The following CBARP variants were observed in gnomAD, a reference collection of about 807,000 sequenced individuals.
CBARP encodes CACN subunit beta associated regulatory protein, also known as voltage-dependent calcium channel beta subunit-associated regulatory protein.
A neutral mutation model predicts 36.3 loss-of-function variants in CBARP; 24 were observed. The observed-to-expected ratio is 0.66, with a 90% CI of 0.48 to 0.93. CBARP has a LOEUF of 0.93. CBARP is among the 40% of genes least tolerant of loss of function. The probability of loss-of-function intolerance (pLI) is 0.00; values close to 1 mark genes in which losing one functional copy is unlikely to be tolerated. For synonymous variants in CBARP, 586 were observed against 453.2 expected, an observed-to-expected ratio of 1.29 and a Z score of -3.72; for missense variants, 1,146 against 980.4, an observed-to-expected ratio of 1.17 and a Z score of -2.26.
intron 9 of CBARP, chr19:1,230,444 T>C (rs2080875163): frequency 1.0e-6 from 1 of 992,284 alleles, no homozygotes; most frequent in Admixed American, 6.1e-5. Flanking sequence ...GAGTCACGTT[T>C]TCCCAGCCTC....
rs149047560 is a variant in CBARP, at chr19:1,234,192, G to A, written c.767C>T (p.Ser256Leu). 16 of 1,517,680 alleles carry A rather than the reference G, an allele frequency of 1.1e-5. No individual in the cohort carries two copies. The East Asian group carries it at 1.2e-4, about 11-fold the overall frequency. 94.0% of individuals were successfully genotyped at this position (1,517,680 alleles called of 1,614,324 possible). Reference sequence around the variant, plus strand: ...TGGGGGACACGCAGGGGCCCTCACCGAGGTGCCTTCCCCAGAGTCGCTAGA... The same window carrying A: ...TGGGGGACACGCAGGGGCCCTCACCAAGGTGCCTTCCCCAGAGTCGCTAGA... ...SASSDSGEGT[S>L]LDAGTRSTKA... Residue 256 changes from serine to leucine, a missense_variant and splice_region_variant, in exon 7 of 10, where the codon TCG (serine) becomes TTG (leucine). Ser to Leu is a moderately radical substitution (Grantham distance 145, BLOSUM62 -2). Coordinates refer to ENST00000650044, the MANE Select transcript of CBARP (RefSeq NM_001393918.1).
chr19:1,230,208 C>T (rs1223299821), intron 9 of CBARP, 66 bp from the exon 10 acceptor site: 1 of 994,762 alleles, frequency 1.0e-6, no homozygotes, highest in South Asian at 4.3e-5. Flanking sequence ...CCGGCCATCC[C>T]GCCTCTGGAT....
rs753818125 is a variant in CBARP at position 1,229,141 on chromosome 19, G to A, written c.*38C>T. 2.2e-4 allele frequency: 207 copies of A among 926,378 alleles called. No homozygotes were observed. The highest frequency in any genetic ancestry group is 2.6e-4 in the Non-Finnish European group (201 of 758,550). The allele number at this position is 926,378 out of a possible 1,614,324, so 57.4% of individuals were successfully genotyped here. ...CGCCGCCGAGGCCCCGTGCGGCGCCGGAGAAGCTGCCAGAGAGATGGGCCC... is the reference window on the plus strand; with the variant it reads ...CGCCGCCGAGGCCCCGTGCGGCGCCAGAGAAGCTGCCAGAGAGATGGGCCC... On this transcript the variant is annotated 3_prime_UTR_variant, in exon 10 of 10. Coordinates refer to ENST00000650044, the MANE Select transcript of CBARP (RefSeq NM_001393918.1). This position sits in a 1 kb window ranked among gnomAD's most constrained non-coding sequence, Gnocchi z 5.1.
chr19:1,230,468 G>A, intron 9 of CBARP: 2 of 997,972 alleles, frequency 2.0e-6, no homozygotes, highest in Non-Finnish European at 2.4e-6. Context: ...GTGGACGTGG[G>A]AGCCGCAGGG....
At position 1,233,553 on chromosome 19, in the gene CBARP, TGCCCCGGATCCCGG is replaced by T; in HGVS notation, c.838_851del (p.Pro280ArgfsTer58). 6.2e-7 allele frequency: 1 copy of T among 1,607,224 alleles called. No homozygotes were observed. Among genetic ancestry groups the T allele is most frequent in the South Asian group, 1.1e-5 (1 of 90,464 alleles). ...GGGTGAGGAACTGCAGAACGGTACC[TGCCCCGGATCCCGG>T]GCCCGCCTCCCCAGGCCCTGCTGCA... On this transcript the variant is annotated frameshift_variant, in exon 8 of 10. Transcript: ENST00000650044. LOFTEE classifies it high-confidence loss of function.
rs1480126610 is a variant in CBARP, at chr19:1,229,477, C to A, written c.1820G>T (p.Gly607Val). The A allele has an allele frequency of 9.2e-6, 9 of 979,036 alleles. No homozygotes were observed. Among genetic ancestry groups the A allele is most frequent in the Non-Finnish European group, 1.1e-5 (9 of 827,668 alleles). The allele number at this position is 979,036 out of a possible 1,614,324, so 60.6% of individuals were successfully genotyped here. A position where few individuals can be genotyped will look rare whatever the true frequency, so the allele number is the denominator to read the frequency against. ...GGGCGCACGCGCGGGTCGGGCCGCGCCGGCAGGCGGTGCCGGGGTTCCGGC... is the reference window on the plus strand; with the variant it reads ...GGGCGCACGCGCGGGTCGGGCCGCGACGGCAGGCGGTGCCGGGGTTCCGGC... The part of the protein sequence containing the change: ...ALAGTPAPPA[G>V]AARPARAPLR... Residue 607 changes from glycine (G) to valine (V), a missense_variant, in exon 10 of 10, where the codon GGC (glycine) becomes GTC (valine). Gly to Val is a moderately radical substitution (Grantham distance 109). Coordinates refer to ENST00000650044, the MANE Select transcript of CBARP (RefSeq NM_001393918.1). This position sits in a 1 kb window ranked among gnomAD's most constrained non-coding sequence, Gnocchi z 5.1.
chr19:1,229,225 G>C lies in CBARP; in HGVS notation c.2072C>G (p.Ala691Gly), dbSNP rs1396601331. Residue 691 changes from alanine to glycine, a missense_variant, in exon 10 of 10, where the codon GCG becomes GGG. Transcript: ENST00000650044. This position sits in a 1 kb window ranked among gnomAD's most constrained non-coding sequence, Gnocchi z 5.1. ...GGACGTGGGGGCGGCGGCGACCAACGCGGGAGTCGCCACGACGGGCTCGGC... is the reference window on the plus strand; with the variant it reads ...GGACGTGGGGGCGGCGGCGACCAACCCGGGAGTCGCCACGACGGGCTCGGC... Reference protein sequence around the residue: ...RLAEPVVATPALVAAAPTSPD... With the variant: ...RLAEPVVATPGLVAAAPTSPD... 2 of 1,230,188 alleles carry C rather than the reference G, an allele frequency of 1.6e-6. No individual in the cohort carries two copies. The highest frequency in any genetic ancestry group is 1.6e-5 in the African/African-American group (1 of 61,118). 76.2% of individuals were successfully genotyped at this position (1,230,188 alleles called of 1,614,324 possible).
chr19:1,231,108 G>A lies in CBARP; in HGVS notation c.1147C>T (p.Leu383Phe). The A allele has an allele frequency of 6.3e-7, 1 of 1,597,858 alleles. No homozygotes were observed. The highest frequency in any genetic ancestry group is 8.5e-7 in the Non-Finnish European group (1 of 1,171,198). The change falls in exon 9 of 10, where the codon CTC becomes TTC. Residue 383 changes from leucine to phenylalanine, a missense_variant. Physicochemically the swap from Leu to Phe is conservative, Grantham distance 22. Transcript: ENST00000650044. ...RPFLASPPPALGRLEAAEAAG... is the reference protein window; with the variant it reads ...RPFLASPPPAFGRLEAAEAAG... The stretch of plus-strand genomic sequence containing the variant: ...CCATCTACTGAAAAATACCTGCCGA[G>A]AGCAGGGGGCGGGCTGGCCAGAAAG...
chr19:1,238,009 T>C (rs1437073952), upstream of CBARP: 1 of 146,718 alleles, frequency 6.8e-6, no homozygotes, highest in Non-Finnish European at 1.5e-5. Context: ...TGGGTCTGGC[T>C]GGCTCCGCGC....
At position 1,229,493 on chromosome 19, in the gene CBARP, G is replaced by T; in HGVS notation, c.1804C>A (p.Pro602Thr). The part of the protein sequence containing the change: ...ARAAPALAGT[P>T]APPAGAARPA... ...CGGGCCGCGCCGGCAGGCGGTGCCG[G>T]GGTTCCGGCCAGGGCCGGGGCCGCG... The change falls in exon 10 of 10, where the codon CCG (proline) becomes ACG (threonine). Residue 602 changes from proline to threonine, a missense_variant. Physicochemically the swap from Pro to Thr is conservative, Grantham distance 38 (BLOSUM62 -1). Coordinates refer to ENST00000650044, the MANE Select transcript of CBARP (RefSeq NM_001393918.1). This position sits in a 1 kb window ranked among gnomAD's most constrained non-coding sequence, Gnocchi z 5.1. 1 of 979,110 alleles carries T rather than the reference G, an allele frequency of 1.0e-6. No individual in the cohort carries two copies. The highest frequency in any genetic ancestry group is 1.2e-6 in the Non-Finnish European group (1 of 827,692). 60.7% of individuals were successfully genotyped at this position (979,110 alleles called of 1,614,324 possible). A position where few individuals can be genotyped will look rare whatever the true frequency, so the allele number is the denominator to read the frequency against.
At chr19:1,231,072 C>T in intron 9 of CBARP, 29 bp downstream of exon 9, 5 of 1,587,632 alleles carry the variant, frequency 3.1e-6, no homozygotes, top group East Asian at 2.3e-5. Flanking sequence ...ACAGGTCCAC[C>T]CCTAGCACCT....
At position 1,234,041 on chromosome 19, in the gene CBARP, C is replaced by T. The variant is rs758099866; in HGVS notation, c.768+150G>A. 8.1e-5 allele frequency: 79 copies of T among 979,094 alleles called. No homozygotes were observed. In the East Asian group the frequency reaches 1.8e-3, roughly 22 times the overall value. 60.7% of individuals were successfully genotyped at this position (979,094 alleles called of 1,614,324 possible). A position where few individuals can be genotyped will look rare whatever the true frequency, so the allele number is the denominator to read the frequency against. ...CTGTGTCCGGTGTGCGGCCGGCTCCCTCTTTCTCCCGTGTGCAATGACCCG... is the reference window on the plus strand; with the variant it reads ...CTGTGTCCGGTGTGCGGCCGGCTCCTTCTTTCTCCCGTGTGCAATGACCCG... On this transcript the variant is annotated intron_variant, in intron 7 of 9. Transcript: ENST00000650044.
chr19:1,236,948 C>G (rs901324681), intron 1 of CBARP, among the ~76,000 whole-genome samples: 2 of 151,740 alleles, frequency 1.3e-5, no homozygotes, highest in Admixed American at 6.6e-5. Context: ...GGAGCATCCC[C>G]GGCCGCCTTA....
chr19:1,230,751 C>T, intron 9 of CBARP: 3 of 1,326,928 alleles, frequency 2.3e-6, no homozygotes, highest in Non-Finnish European at 9.6e-7. Context: ...GGAGTCTGCC[C>T]AGCCTTGGGA....
rs151083000 is a variant in CBARP, at chr19:1,235,996, C to T, written c.105G>A (p.Thr35=). Residue 35 remains threonine, a splice_region_variant and synonymous_variant, in exon 2 of 10, where the codon ACG becomes ACA. Coordinates refer to ENST00000650044, the MANE Select transcript of CBARP (RefSeq NM_001393918.1). ...TSWDNATGRP[T]AEPDPILDNY... is the part of the protein sequence containing the mutation. ...CCTCCCACCTGTCCCCTGCACCCAC[C>T]GTGGGGCGTCCAGTGGCATTGTCCC... 5.2e-5 allele frequency: 81 copies of T among 1,559,196 alleles called. No individual in the cohort carries two copies. The highest frequency in any genetic ancestry group is 3.3e-4 in the African/African-American group (24 of 73,536).
At chr19:1,236,872 G>A (rs896838289) in intron 1 of CBARP, among the ~76,000 whole-genome samples, 5 of 148,098 alleles carry the variant, frequency 3.4e-5, no homozygotes, top group East Asian at 2.0e-4. Context: ...GGCGGCCTCG[G>A]GGGGGCGGGC....
chr19:1,229,344 C>A lies in CBARP; in HGVS notation c.1953G>T (p.Gly651=), dbSNP rs1229862514. 2.5e-6 allele frequency: 3 copies of A among 1,197,606 alleles called. No individual in the cohort carries two copies. The highest frequency in any genetic ancestry group is 3.3e-5 in the African/African-American group (2 of 60,656). The allele number at this position is 1,197,606 out of a possible 1,614,324, so 74.2% of individuals were successfully genotyped here. A position where few individuals can be genotyped will look rare whatever the true frequency, so the allele number is the denominator to read the frequency against. ...PVIEEEPGGG[G]CPGSGLCVLP... ...GGACGCACAGGCCCGAGCCGGGGCA[C>A]CCCCCGCCGCCCGGCTCCTCCTCGA... Residue 651 remains glycine, a synonymous_variant, in exon 10 of 10, where the codon GGG becomes GGT. Coordinates refer to ENST00000650044, the MANE Select transcript of CBARP (RefSeq NM_001393918.1). The surrounding 1 kb of genome is among the most constrained non-coding windows in gnomAD (Gnocchi z 5.1).
chr19:1,235,277 G>A (rs2080951841), intron 4 of CBARP, 132 bp from the exon 5 acceptor site: 2 of 1,138,676 alleles, frequency 1.8e-6, no homozygotes, highest in Non-Finnish European at 2.3e-6. Flanking sequence ...GGCTGGCGGG[G>A]CGAGGGACAC....
chr19:1,234,833 C>A (rs1471481705), intron 5 of CBARP, 91 bp from the exon 6 acceptor site: 4 of 1,529,286 alleles, frequency 2.6e-6, no homozygotes, highest in Admixed American at 2.0e-5. Context: ...CCGGCCTGGG[C>A]AGGGGCAGGC....
Sources: gnomAD v4.1 joint callset for allele counts (sites outside exome capture counted in the v4.1 genomes callset) on GRCh38, gnomAD v4.1.1 for gene constraint, Gnocchi (gnomAD v3.1) non-coding constraint, MANE v1.5 for transcripts, NCBI Gene and HGNC (gene_info 2026-07-23, HGNC 2026-07-21) for gene names.